FRMD6: variants seen among roughly 807,000 people sequenced by gnomAD.
FRMD6 encodes FERM domain containing 6.
A neutral mutation model predicts 73.2 loss-of-function variants in FRMD6; 37 were observed. The ratio of observed to expected loss-of-function variants is 0.51; its 90% confidence interval spans 0.39 to 0.66. FRMD6 has a LOEUF of 0.66. FRMD6 is among the 30% of genes least tolerant of loss of function. FRMD6 has a pLI of 0.00. For synonymous variants in FRMD6, 273 were observed against 282.2 expected (o/e 0.97, Z 0.33); for missense variants, 714 against 780.5 (o/e 0.91, Z 1.02).
At chr14:51,699,844 A>G (rs1405736975) in intron 3 of FRMD6, among the ~76,000 whole-genome samples, 2 of 152,014 alleles carry the variant, frequency 1.3e-5, no homozygotes, top group Non-Finnish European at 2.9e-5. Flanking sequence ...TTCGACAGGA[A>G]GATTGTCTGG....
intron 2 of FRMD6, among the ~76,000 whole-genome samples, chr14:51,693,263 C>G (rs1895726893): frequency 6.6e-6 from 1 of 152,136 alleles, no homozygotes. Context: ...TAACACTCAG[C>G]ATAATTTCTG....
intron 2 of FRMD6, among the ~76,000 whole-genome samples, chr14:51,595,300 G>A (rs866918881): frequency 1.3e-5 from 2 of 152,152 alleles, no homozygotes; most frequent in Admixed American, 6.5e-5. Context: ...ACTCAAATCT[G>A]TACCCTGGAA....
intron 1 of FRMD6, among the ~76,000 whole-genome samples, chr14:51,541,999 C>G (rs970721939): frequency 1.3e-5 from 2 of 151,984 alleles, no homozygotes; most frequent in Non-Finnish European, 2.9e-5. Flanking sequence ...ACCAATGTTT[C>G]TCAGAGTTTG....
At chr14:51,496,974 T>A (rs1198346981) in intron 1 of FRMD6, among the ~76,000 whole-genome samples, 1 of 152,192 alleles carries the variant, frequency 6.6e-6, no homozygotes, top group Non-Finnish European at 1.5e-5. Flanking sequence ...CCCCTGTTCA[T>A]TTCCTCTAAA....
intron 2 of FRMD6, among the ~76,000 whole-genome samples, chr14:51,593,447 C>T (rs1483079843): frequency 6.6e-6 from 1 of 152,184 alleles, no homozygotes; most frequent in Non-Finnish European, 1.5e-5. Context: ...AAAATAAAAA[C>T]TTACTTGCCA....
intron 13 of FRMD6, 46 bp from the exon 14 acceptor site, chr14:51,727,699 C>G: frequency 6.5e-7 from 1 of 1,537,570 alleles, no homozygotes; most frequent in Non-Finnish European, 8.8e-7. Context: ...GGCAAATATT[C>G]TAACCTTTCA....
intron 2 of FRMD6, among the ~76,000 whole-genome samples, chr14:51,598,611 T>C (rs767789414): frequency 1.3e-5 from 2 of 152,200 alleles, no homozygotes; most frequent in Non-Finnish European, 2.9e-5. Flanking sequence ...GCCATCTTTA[T>C]GTCCATGAGT....
chr14:51,635,075 T>C (rs1309335808), intron 2 of FRMD6, among the ~76,000 whole-genome samples: 1 of 152,106 alleles, frequency 6.6e-6, no homozygotes, highest in Admixed American at 6.6e-5. Context: ...AGGCTTCAAC[T>C]TCTTTACCAG....
At chr14:51,483,622 G>A in the FRMD6 span, among the ~76,000 whole-genome samples, 1 of 152,216 alleles carries the variant, frequency 6.6e-6, no homozygotes, top group African/African-American at 2.4e-5. Context: ...GCTGGTGAAG[G>A]CCTTGTAGGC....
chr14:51,701,636 T>C (rs1315654165), intron 4 of FRMD6, among the ~76,000 whole-genome samples: 3 of 149,004 alleles, frequency 2.0e-5, no homozygotes, highest in African/African-American at 7.3e-5. Context: ...AAGAAACTTA[T>C]AAGTTCTAAA....
the FRMD6 span, among the ~76,000 whole-genome samples, chr14:51,434,280 T>C: frequency 6.6e-6 from 1 of 152,168 alleles, no homozygotes; most frequent in Non-Finnish European, 1.5e-5. Context: ...AATGAGCATG[T>C]CTACCACCTA....
the FRMD6 span, among the ~76,000 whole-genome samples, chr14:51,405,651 T>C: frequency 3.3e-5 from 5 of 152,198 alleles, no homozygotes; most frequent in Admixed American, 3.3e-4. Flanking sequence ...CTGCCCACTT[T>C]TTAATGGGGT....
chr14:51,405,200 A>G, the FRMD6 span, among the ~76,000 whole-genome samples: 7 of 151,986 alleles, frequency 4.6e-5, no homozygotes, highest in Admixed American at 3.3e-4. Context: ...GGTTGATTCC[A>G]TATCTTTGCT....
upstream of FRMD6, among the ~76,000 whole-genome samples, chr14:51,486,026 T>C (rs1189778068): frequency 6.9e-6 from 1 of 144,776 alleles, no homozygotes; most frequent in East Asian, 2.0e-4. Flanking sequence ...CACTTCCTTT[T>C]CTTTTTTTTT....
the FRMD6 span, among the ~76,000 whole-genome samples, chr14:51,397,555 T>C: frequency 6.6e-6 from 1 of 152,330 alleles, no homozygotes; most frequent in South Asian, 2.1e-4. Flanking sequence ...ACTAATCTTT[T>C]TTGCTTTTCT....
At chr14:51,440,217 C>A in the FRMD6 span, among the ~76,000 whole-genome samples, 3 of 152,128 alleles carry the variant, frequency 2.0e-5, no homozygotes, top group Non-Finnish European at 4.4e-5. Context: ...TAGTAATGAT[C>A]TTGAGTCATG....
rs1380608767 is a variant in FRMD6, at chr14:51,708,059, A to G, written c.559-19A>G. 1 of 1,611,520 alleles carries G rather than the reference A, an allele frequency of 6.2e-7. No individual in the cohort carries two copies. The highest frequency in any genetic ancestry group is 8.5e-7 in the Non-Finnish European group (1 of 1,178,354). On this transcript the variant is annotated intron_variant, in intron 6 of 13. Coordinates refer to ENST00000344768, the MANE Select transcript of FRMD6 (RefSeq NM_001267046.2). Reference sequence around the variant, plus strand: ...CTCTCCAACAAATGTTGCATTGCACACCCCTTGTATCCCAACAGGTTGTTT... The same window carrying G: ...CTCTCCAACAAATGTTGCATTGCACGCCCCTTGTATCCCAACAGGTTGTTT...
intron 3 of FRMD6, among the ~76,000 whole-genome samples, chr14:51,700,652 G>C (rs1214884595): frequency 6.6e-6 from 1 of 151,934 alleles, no homozygotes; most frequent in Non-Finnish European, 1.5e-5. Context: ...TAGTGTTTCT[G>C]CCCTGCTTTA....
intron 1 of FRMD6, among the ~76,000 whole-genome samples, chr14:51,542,564 T>G (rs1337789654): frequency 3.9e-5 from 6 of 152,094 alleles, no homozygotes; most frequent in Non-Finnish European, 8.8e-5. Context: ...TTCTTTTGTC[T>G]ATTGTGAATA....
Sources: gnomAD v4.1 joint callset for allele counts (sites outside exome capture counted in the v4.1 genomes callset) on GRCh38, gnomAD v4.1.1 for gene constraint, MANE v1.5 for transcripts, NCBI Gene and HGNC (gene_info 2026-07-23, HGNC 2026-07-21) for gene names.